DNAH1: variants seen among roughly 807,000 people sequenced by gnomAD.
DNAH1 encodes dynein axonemal heavy chain 1, also known as axonemal beta dynein heavy chain 1.
A neutral mutation model predicts 484.3 loss-of-function variants in DNAH1; 327 were observed. The observed-to-expected ratio is 0.68, with a 90% CI of 0.62 to 0.74. DNAH1 has a LOEUF of 0.74. Among genes scored for constraint, DNAH1 ranks in the 30% least tolerant of loss-of-function variants. DNAH1 has a pLI of 0.00. For synonymous variants in DNAH1, 2,192 were observed against 2,191.9 expected, an observed-to-expected ratio of 1.00 and a Z score of 0.00; for missense variants, 5,052 against 5,546.8, an observed-to-expected ratio of 0.91 and a Z score of 2.83.
intron 17 of DNAH1, 49 bp downstream of exon 17, chr3:52,352,152 C>A (rs1702412179): frequency 6.5e-7 from 1 of 1,547,036 alleles, no homozygotes; most frequent in Non-Finnish European, 8.7e-7. Context: ...CCACCACACG[C>A]ACGCACAGTT....
At chr3:52,354,620 G>A (rs1373889604) in intron 20 of DNAH1, among the ~76,000 whole-genome samples, 1 of 149,338 alleles carries the variant, frequency 6.7e-6, no homozygotes, top group Admixed American at 6.7e-5. Context: ...GCTACAGAGC[G>A]AGACTCCACC....
chr3:52,361,831 C>T lies in DNAH1; in HGVS notation c.4980+65C>T. 1 of 1,501,580 alleles carries T rather than the reference C, an allele frequency of 6.7e-7. No homozygotes were observed. 93.0% of individuals were successfully genotyped at this position (1,501,580 alleles called of 1,614,324 possible). On this transcript the variant is annotated intron_variant, in intron 30 of 77. Coordinates refer to ENST00000420323, the MANE Select transcript of DNAH1 (RefSeq NM_015512.5). The surrounding 1 kb of genome is among the most constrained non-coding windows in gnomAD (Gnocchi z 5.6). ...ATACTCACGCCGCCATACTGCTCCC[C>T]ATTGCAGGCTGAGAAGCCAGGCGCT...
rs1389371791 is a variant in DNAH1, at chr3:52,371,970, T to C, written c.6550T>C (p.Ser2184Pro). 6.2e-7 allele frequency: 1 copy of C among 1,613,514 alleles called. No individual in the cohort carries two copies. Among genetic ancestry groups the C allele is most frequent in the Non-Finnish European group, 8.5e-7 (1 of 1,179,786 alleles). Residue 2184 changes from serine (S) to proline (P), a missense_variant, in exon 42 of 78, where the codon TCC becomes CCC. Ser to Pro is a moderately conservative substitution (Grantham distance 74). Transcript: ENST00000420323. The stretch of plus-strand genomic sequence containing the variant: ...GGTTGCCTGGGTGAAGTGGATGGAC[T>C]CCTCAGCTCCATTCACCATGGTACC... The part of the protein sequence containing the change: ...KQVAWVKWMD[S>P]SAPFTMVPDT...
chr3:52,323,577 G>A (rs1701227709), intron 2 of DNAH1, among the ~76,000 whole-genome samples: 1 of 152,214 alleles, frequency 6.6e-6, no homozygotes, highest in Non-Finnish European at 1.5e-5. Context: ...GAGGGGAGCT[G>A]GGCTGGACCA....
chr3:52,376,049 CT>C, intron 46 of DNAH1, 56 bp downstream of exon 46: 4 of 1,598,426 alleles, frequency 2.5e-6, no homozygotes, highest in Non-Finnish European at 3.4e-6. Flanking sequence ...GCCCTGGGCT[CT>C]GGTTGGGTGT....
intron 52 of DNAH1, among the ~76,000 whole-genome samples, chr3:52,384,355 G>C (rs1294757261): frequency 6.6e-6 from 1 of 151,062 alleles, no homozygotes; most frequent in Non-Finnish European, 1.5e-5. Context: ...GCCTGGTCCA[G>C]CCTGAGACGG....
chr3:52,372,490 G>C (rs1703389487), intron 43 of DNAH1, 103 bp downstream of exon 43: 1 of 1,488,198 alleles, frequency 6.7e-7, no homozygotes, highest in Non-Finnish European at 9.0e-7. Context: ...GGTTTGCCAG[G>C]AACCTCCCAG....
At chr3:52,321,178 G>A (rs965472815) in intron 1 of DNAH1, among the ~76,000 whole-genome samples, 5 of 148,244 alleles carry the variant, frequency 3.4e-5, no homozygotes, top group South Asian at 2.1e-4. Flanking sequence ...GTGCAATGGC[G>A]CGATCTGAGT....
rs1489565219 is a variant in DNAH1, at chr3:52,388,149, C to A, written c.9004-18C>A. On this transcript the variant is annotated intron_variant, in intron 56 of 77. Transcript: ENST00000420323. ...CCCTTGAGAAGCAGCCTCTTGAGAC[C>A]CAGGCTTCCCACCTCAGGACAACAT... 4 of 1,602,030 alleles carry A rather than the reference C, an allele frequency of 2.5e-6. No individual in the cohort carries two copies. The highest frequency in any genetic ancestry group is 3.4e-6 in the Non-Finnish European group (4 of 1,174,190).
chr3:52,398,118 G>C lies in DNAH1; in HGVS notation c.12045G>C (p.Leu4015=). 6.2e-7 allele frequency: 1 copy of C among 1,613,800 alleles called. No individual in the cohort carries two copies. The highest frequency in any genetic ancestry group is 8.5e-7 in the Non-Finnish European group (1 of 1,179,868). ...LQWVMAKYPV[L]YEESMNTVLV... ...GGGTGATGGCCAAGTACCCAGTGCT[G>C]TATGAGGAATCAATGAACACAGTAC... The change falls in exon 75 of 78, where the codon CTG becomes CTC. Residue 4015 remains leucine, a synonymous_variant. Transcript: ENST00000420323.
chr3:52,386,957 T>C, intron 56 of DNAH1, 104 bp downstream of exon 56: 1 of 1,216,214 alleles, frequency 8.2e-7, no homozygotes, highest in South Asian at 1.6e-5. Flanking sequence ...CATCTGCATG[T>C]GCAGTGGCCT....
Position 52,381,977 on chromosome 3 carries a change from T to C in DNAH1, c.7805+141T>C. ...GCAGCCTACAGGCTTCTGGAAAGAC[T>C]AGTAGCAGGATCTGGGCTCCAGGGA... On this transcript the variant is annotated intron_variant, in intron 49 of 77. Coordinates refer to ENST00000420323, the MANE Select transcript of DNAH1 (RefSeq NM_015512.5). This position sits in a 1 kb window ranked among gnomAD's most constrained non-coding sequence, Gnocchi z 4.1. The C allele has an allele frequency of 1.0e-6, 1 of 959,782 alleles. No individual in the cohort carries two copies. The highest frequency in any genetic ancestry group is 1.5e-6 in the Non-Finnish European group (1 of 663,702). The allele number at this position is 959,782 out of a possible 1,614,324, so 59.5% of individuals were successfully genotyped here. A position where few individuals can be genotyped will look rare whatever the true frequency, so the allele number is the denominator to read the frequency against.
the DNAH1 span, among the ~76,000 whole-genome samples, chr3:52,311,249 G>A: frequency 2.6e-5 from 4 of 152,322 alleles, no homozygotes; most frequent in Middle Eastern, 3.4e-3. Context: ...GAGGCCCTGC[G>A]CCTCCAGGAG....
chr3:52,380,526 G>A (rs1703798819), intron 48 of DNAH1, among the ~76,000 whole-genome samples: 1 of 152,174 alleles, frequency 6.6e-6, no homozygotes, highest in Non-Finnish European at 1.5e-5. Flanking sequence ...CTCTCCACAC[G>A]CATCCTCTCC....
At chr3:52,397,445 G>A (rs1370306187) in intron 73 of DNAH1, among the ~76,000 whole-genome samples, 7 of 152,028 alleles carry the variant, frequency 4.6e-5, no homozygotes, top group African/African-American at 1.7e-4. Flanking sequence ...CCTGTGGCAG[G>A]AGGGAGCCTG....
intron 42 of DNAH1, 59 bp downstream of exon 42, chr3:52,372,145 C>T: frequency 6.2e-7 from 1 of 1,609,582 alleles, no homozygotes; most frequent in Non-Finnish European, 8.5e-7. Context: ...GGGGGTTGAC[C>T]AGCCTCCCAC....
intron 11 of DNAH1, among the ~76,000 whole-genome samples, chr3:52,347,147 G>A (rs1343244755): frequency 6.6e-6 from 1 of 152,204 alleles, no homozygotes; most frequent in Non-Finnish European, 1.5e-5. Flanking sequence ...ATAGACACTG[G>A]GGGTGGGTCA....
rs111802790 is a variant in DNAH1, at chr3:52,359,078, C to G, written c.4267-168C>G. ...GTCAGTTCAGAGATATCTCTGCCAC[C>G]CTGAGAAGCCCAGAGCATAAGGGCT... On this transcript the variant is annotated intron_variant, in intron 25 of 77. Transcript: ENST00000420323. Among the ~76,000 whole-genome samples the G allele has an allele frequency of 2.2e-4, 34 of 152,272 alleles. No homozygotes were observed. The East Asian group carries it at 2.3e-3, about 10-fold the overall frequency.
rs1702728599 is a variant in DNAH1 at position 52,358,794 on chromosome 3, A to T, written c.4266+57A>T. 1.9e-6 allele frequency: 3 copies of T among 1,594,980 alleles called. No individual in the cohort carries two copies. In the Admixed American group the frequency reaches 5.3e-5, roughly 28 times the overall value. On this transcript the variant is annotated intron_variant, in intron 25 of 77. Transcript: ENST00000420323. This position sits in a 1 kb window ranked among gnomAD's most constrained non-coding sequence, Gnocchi z 4.2. Reference sequence around the variant, plus strand: ...CCCCTGCACCCCTCTGCTCCCTCTCAGTGCCCCTCCTGCTCTAGCCGGCCT... The same window carrying T: ...CCCCTGCACCCCTCTGCTCCCTCTCTGTGCCCCTCCTGCTCTAGCCGGCCT...
Sources: allele counts gnomAD v4.1 joint callset (sites outside exome capture counted in the v4.1 genomes callset), GRCh38; gene constraint gnomAD v4.1.1; non-coding constraint Gnocchi (gnomAD v3.1); transcripts MANE v1.5; gene names NCBI Gene and HGNC (gene_info 2026-07-23, HGNC 2026-07-21).